Variants in PHLDB3 observed in about 807,000 individuals in gnomAD.
The protein encoded by PHLDB3 is pleckstrin homology like domain family B member 3, also known as pleckstrin homology-like domain family B member 3.
Under a neutral mutation model 85.7 loss-of-function variants are expected in PHLDB3, and 86 were observed. That is an observed-to-expected ratio of 1.00 (90% CI 0.84 to 1.20). The LOEUF (loss-of-function observed/expected upper bound fraction) is 1.20. Ranked by LOEUF, PHLDB3 falls within the 50% of genes most tolerant of loss-of-function variation. PHLDB3 has a pLI of 0.00. For missense variants in PHLDB3, 995 were observed against 873.0 expected (o/e 1.14, Z -1.76); for synonymous variants, 376 against 349.8 (o/e 1.07, Z -0.83).
Position 43,502,272 on chromosome 19 carries a change from C to T in PHLDB3, c.225G>A (p.Thr75=), listed in dbSNP as rs1400796126. The stretch of plus-strand genomic sequence containing the variant: ...GTGTGGCCGCCATAGCTATCGGAGG[C>T]GTAGCCTCGGGCTGAAGTTGAGGGG... The part of the protein sequence containing the change: ...TESSRDAPEA[T]PPIAMAATPP... Residue 75 remains threonine (T), a synonymous_variant, in exon 3 of 16, where the codon ACG becomes ACA. Transcript: ENST00000292140. 5 of 1,558,372 alleles carry T rather than the reference C, an allele frequency of 3.2e-6. No individual in the cohort carries two copies. The South Asian group carries it at 5.9e-5, about 18-fold the overall frequency.
intron 4 of PHLDB3, among the ~76,000 whole-genome samples, chr19:43,501,184 T>C (rs1468696864): frequency 9.0e-4 from 125 of 138,298 alleles, no homozygotes; most frequent in Middle Eastern, 3.5e-3. Flanking sequence ...TCTTTTTTTT[T>C]TTTTTTTTTT....
chr19:43,480,264 TA>T (rs57417757), intron 13 of PHLDB3, among the ~76,000 whole-genome samples: 4,530 of 71,584 alleles, frequency 0.063, 159 homozygotes, highest in East Asian at 0.14. Context: ...CTTCTCTATT[TA>T]AAAAAAAAAA....
Position 43,487,077 on chromosome 19 carries a change from C to T in PHLDB3, c.1196G>A (p.Gly399Glu), listed in dbSNP as rs1288451546. ...QRTGSLPRKR[G>E]ERGSQRGSPR... ...GGATCCTCTCTGGCTCCCCCTCTCCCCCCTTTTCCGGGGCAGGCTCCCAGT... is the reference window on the plus strand; with the variant it reads ...GGATCCTCTCTGGCTCCCCCTCTCCTCCCTTTTCCGGGGCAGGCTCCCAGT... Residue 399 changes from glycine (G) to glutamate (E), a missense_variant, in exon 10 of 16, where the codon GGG becomes GAG. Transcript: ENST00000292140. 3.8e-6 allele frequency: 6 copies of T among 1,578,850 alleles called. No homozygotes were observed. Among genetic ancestry groups the T allele is most frequent in the Admixed American group, 1.8e-5 (1 of 54,270 alleles).
Position 43,481,542 on chromosome 19 carries a change from C to T in PHLDB3, c.1486-1949G>A, listed in dbSNP as rs192232391. ...CTGAGGCAGGAGAATCGCTTGAACTCGGGAGGTGGAGGTTGCGGTGAATCA... is the reference window on the plus strand; with the variant it reads ...CTGAGGCAGGAGAATCGCTTGAACTTGGGAGGTGGAGGTTGCGGTGAATCA... On this transcript the variant is annotated intron_variant, in intron 13 of 15. Coordinates refer to ENST00000292140, the MANE Select transcript of PHLDB3 (RefSeq NM_198850.4). Among the ~76,000 whole-genome samples, 24 of 152,038 alleles carry T rather than the reference C, an allele frequency of 1.6e-4. No homozygotes were observed. In the East Asian group the frequency reaches 3.5e-3, roughly 22 times the overall value.
At chr19:43,494,850 G>A (rs1240799070) in intron 8 of PHLDB3, 35 bp from the exon 9 acceptor site, 1 of 1,531,650 alleles carries the variant, frequency 6.5e-7, no homozygotes, top group Non-Finnish European at 8.9e-7. Flanking sequence ...GTGGGAGCAG[G>A]AGAGACCCCA....
In PHLDB3 at chr19:43,475,152, A is replaced by G; in HGVS notation, c.*258T>C. On this transcript the variant is annotated 3_prime_UTR_variant, in exon 16 of 16. Transcript: ENST00000292140. The stretch of plus-strand genomic sequence containing the variant: ...TTCGGTATCACAGGAGCACCAATAA[A>G]TAGTTTCTTCCCGCCCCTGCAATCT... 2.2e-6 allele frequency: 1 copy of G among 446,852 alleles called. No homozygotes were observed. Among genetic ancestry groups the G allele is most frequent in the Non-Finnish European group, 4.1e-6 (1 of 246,480 alleles). 27.7% of individuals were successfully genotyped at this position (446,852 alleles called of 1,614,324 possible).
intron 15 of PHLDB3, among the ~76,000 whole-genome samples, chr19:43,476,037 C>G (rs532756814): frequency 6.6e-6 from 1 of 152,160 alleles, no homozygotes; most frequent in South Asian, 2.1e-4. Context: ...CCTCGTGATC[C>G]GCCTGCTTCG....
At position 43,497,831 on chromosome 19, in the gene PHLDB3, G is replaced by A. The variant is rs186752767; in HGVS notation, c.580C>T (p.Arg194Cys). The A allele has an allele frequency of 2.5e-4, 388 of 1,572,706 alleles. No individual in the cohort carries two copies. The highest frequency in any genetic ancestry group is 6.7e-4 in the Admixed American group (36 of 53,398). Residue 194 changes from arginine (R) to cysteine (C), a missense_variant, in exon 5 of 16, where the codon CGC becomes TGC. Coordinates refer to ENST00000292140, the MANE Select transcript of PHLDB3 (RefSeq NM_198850.4). ...CCCTGGGCCTTGCGGAGTCTCTGGC[G>A]AAGACCCTCTAGGCGATCCCGTTCC... ...SQERDRLEGL[R>C]QRLRKAQGQL... is the part of the protein sequence containing the mutation.
At chr19:43,478,598 G>A (rs117873327) in intron 14 of PHLDB3, among the ~76,000 whole-genome samples, 337 of 152,280 alleles carry the variant, frequency 2.2e-3, no homozygotes, top group Non-Finnish European at 3.9e-3. Flanking sequence ...TACAGGTTAG[G>A]GAAGAAGGAT....
chr19:43,503,278 T>G (rs2145961324), intron 2 of PHLDB3, among the ~76,000 whole-genome samples: 2 of 116,752 alleles, frequency 1.7e-5, no homozygotes, highest in African/African-American at 6.6e-5. Context: ...TCTGTCTATC[T>G]GGTCTCTCTC....
At position 43,497,295 on chromosome 19, in the gene PHLDB3, C is replaced by A; in HGVS notation, c.664-16G>T. ...GTTCCCTCATCTATAGGTCGGAACA[C>A]AAAAAGGGTGGAGGCCTGAATCCCT... On this transcript the variant is annotated splice_polypyrimidine_tract_variant and intron_variant, in intron 5 of 15. Coordinates refer to ENST00000292140, the MANE Select transcript of PHLDB3 (RefSeq NM_198850.4). The A allele has an allele frequency of 7.1e-7, 1 of 1,410,300 alleles. No homozygotes were observed. The highest frequency in any genetic ancestry group is 1.5e-5 in the African/African-American group (1 of 67,464). 87.4% of individuals were successfully genotyped at this position (1,410,300 alleles called of 1,614,324 possible). A position where few individuals can be genotyped will look rare whatever the true frequency, so the allele number is the denominator to read the frequency against.
intron 12 of PHLDB3, 129 bp downstream of exon 12, chr19:43,486,480 T>A (rs1436297215): frequency 5.4e-6 from 7 of 1,307,148 alleles, no homozygotes; most frequent in Non-Finnish European, 7.3e-6. Context: ...GACTCCTGGG[T>A]CTGAGGGTGG....
intron 9 of PHLDB3, among the ~76,000 whole-genome samples, chr19:43,489,653 C>T (rs1227026882): frequency 6.6e-6 from 1 of 151,786 alleles, no homozygotes; most frequent in Non-Finnish European, 1.5e-5. Flanking sequence ...TAAATGCAAC[C>T]TGTGTTCCTG....
At chr19:43,485,118 T>C (rs927912207) in intron 13 of PHLDB3, among the ~76,000 whole-genome samples, 2 of 152,166 alleles carry the variant, frequency 1.3e-5, no homozygotes, top group Admixed American at 6.6e-5. Flanking sequence ...AGATTCAATA[T>C]TGAAAATGAT....
chr19:43,497,283 T>C lies in PHLDB3; in HGVS notation c.664-4A>G. ...CCACATCCAGTTGTTCCCTCATCTA[T>C]AGGTCGGAACACAAAAAGGGTGGAG... On this transcript the variant is annotated splice_region_variant and splice_polypyrimidine_tract_variant and intron_variant, in intron 5 of 15. Coordinates refer to ENST00000292140, the MANE Select transcript of PHLDB3 (RefSeq NM_198850.4). The C allele has an allele frequency of 7.0e-7, 1 of 1,435,012 alleles. No homozygotes were observed. The highest frequency in any genetic ancestry group is 9.2e-7 in the Non-Finnish European group (1 of 1,090,950). 88.9% of individuals were successfully genotyped at this position (1,435,012 alleles called of 1,614,324 possible). A position where few individuals can be genotyped will look rare whatever the true frequency, so the allele number is the denominator to read the frequency against.
intron 13 of PHLDB3, among the ~76,000 whole-genome samples, chr19:43,483,313 T>C (rs776463382): frequency 3.6e-4 from 55 of 152,056 alleles, no homozygotes; most frequent in Non-Finnish European, 7.2e-4. Context: ...TCTCACTCTG[T>C]CACTGAAGCT....
At chr19:43,504,268 T>C (rs1971700112) in intron 1 of PHLDB3, 136 bp from the exon 2 acceptor site, 1 of 796,460 alleles carries the variant, frequency 1.3e-6, no homozygotes. Flanking sequence ...AACTGAGCGT[T>C]ACGGAGGCGT....
chr19:43,501,486 G>A, intron 4 of PHLDB3: 1 of 679,752 alleles, frequency 1.5e-6, no homozygotes, highest in South Asian at 2.0e-5. Context: ...CTTCCGGCCA[G>A]TTTGGAAGTT....
At chr19:43,487,780 TAA>T (rs926669710) in intron 9 of PHLDB3, among the ~76,000 whole-genome samples, 2 of 151,966 alleles carry the variant, frequency 1.3e-5, no homozygotes, top group Non-Finnish European at 2.9e-5. Context: ...TTGAATATAC[TAA>T]AAGACACAGA....
Sources: allele counts gnomAD v4.1 joint callset (sites outside exome capture counted in the v4.1 genomes callset), GRCh38; gene constraint gnomAD v4.1.1; transcripts MANE v1.5; gene names NCBI Gene and HGNC (gene_info 2026-07-23, HGNC 2026-07-21).